DSE: variants seen among roughly 807,000 people sequenced by gnomAD.
DSE encodes the protein dermatan sulfate epimerase, also known as dermatan-sulfate epimerase.
Under a neutral mutation model 84.4 loss-of-function variants are expected in DSE, and 36 were observed. That is an observed-to-expected ratio of 0.43 (90% CI 0.33 to 0.56). The LOEUF is 0.56. Ranked by LOEUF, DSE falls within the 20% of genes least tolerant of loss-of-function variation. The probability of loss-of-function intolerance (pLI) is 0.06; values close to 1 mark genes in which losing one functional copy is unlikely to be tolerated. For synonymous variants in DSE, 410 were observed against 430.1 expected, an observed-to-expected ratio of 0.95 and a Z score of 0.58; for missense variants, 862 against 1,169.6, an observed-to-expected ratio of 0.74 and a Z score of 3.84.
chr6:116,390,481 T>G (rs1335826718), intron 1 of DSE, among the ~76,000 whole-genome samples: 1 of 152,210 alleles, frequency 6.6e-6, no homozygotes, highest in African/African-American at 2.4e-5. Context: ...TGGATCACAA[T>G]GCACTGCAAA....
chr6:116,399,263 A>G lies in DSE; in HGVS notation c.13A>G (p.Thr5Ala), dbSNP rs1294023137. MRTH[T>A]RGAPSVFFIY... ...ATCTGATGCCACGATGAGGACTCAC[A>G]CACGGGGGGCTCCCAGTGTGTTTTT... Residue 5 changes from threonine (T) to alanine (A), a missense_variant, in exon 2 of 6, where the codon ACA becomes GCA. This residue lies in a region of DSE where 52 missense variants were observed against 49.6 expected (regional missense o/e 1.05). Coordinates refer to ENST00000644252, the MANE Select transcript of DSE (RefSeq NM_013352.4). The G allele has an allele frequency of 1.2e-6, 2 of 1,613,832 alleles. No homozygotes were observed. The highest frequency in any genetic ancestry group is 1.7e-6 in the Non-Finnish European group (2 of 1,180,036).
chr6:116,411,457 A>G (rs1405272761), intron 2 of DSE, among the ~76,000 whole-genome samples: 1 of 152,242 alleles, frequency 6.6e-6, no homozygotes, highest in East Asian at 1.9e-4. Context: ...GGAGGGCATC[A>G]GCTTGAGTGA....
chr6:116,347,768 G>GGCATTTT (rs1466370597), intron 2 of DSE, among the ~76,000 whole-genome samples: 2 of 149,356 alleles, frequency 1.3e-5, no homozygotes, highest in East Asian at 2.0e-4. Flanking sequence ...CAAAAGCAAT[G>GGCATTTT]GCAACAAAAG....
At chr6:116,338,167 GTCTCTT>G (rs897127538) in intron 2 of DSE, among the ~76,000 whole-genome samples, 9 of 96,556 alleles carry the variant, frequency 9.3e-5, no homozygotes, top group East Asian at 1.6e-3. Flanking sequence ...CTTCCTTTCT[GTCTCTT>G]TCTCTTTCTT....
intron 1 of DSE, chr6:116,254,975 T>C (rs1772087170): frequency 1.3e-5 from 2 of 152,270 alleles, no homozygotes; most frequent in Admixed American, 1.3e-4. Context: ...CAGGCATCTA[T>C]GCTACTGTCT....
chr6:116,277,471 CTCTT>C (rs1347284749), intron 2 of DSE: 1 of 152,460 alleles, frequency 6.6e-6, no homozygotes, highest in African/African-American at 2.4e-5. Flanking sequence ...AGATGTGTCT[CTCTT>C]TAACTATTCT....
intron 1 of DSE, among the ~76,000 whole-genome samples, chr6:116,371,465 A>C (rs1311459800): frequency 6.6e-6 from 1 of 152,188 alleles, no homozygotes; most frequent in Admixed American, 6.5e-5. Flanking sequence ...TGGCCGGCCC[A>C]GCCGCGATTT....
chr6:116,281,775 T>C (rs1773557402), intron 2 of DSE, among the ~76,000 whole-genome samples: 1 of 152,188 alleles, frequency 6.6e-6, no homozygotes, highest in Non-Finnish European at 1.5e-5. Context: ...CAGAAAACAG[T>C]TTCTCTTGCT....
At chr6:116,423,729 A>G (rs1783245418) in intron 2 of DSE, among the ~76,000 whole-genome samples, 1 of 152,244 alleles carries the variant, frequency 6.6e-6, no homozygotes, top group Non-Finnish European at 1.5e-5. Context: ...TTATGACTGT[A>G]AAATATAGTC....
At chr6:116,433,960 A>T (rs894108666) in intron 5 of DSE, among the ~76,000 whole-genome samples, 1 of 152,196 alleles carries the variant, frequency 6.6e-6, no homozygotes, top group Non-Finnish European at 1.5e-5. Context: ...AGCATATAAA[A>T]CAAAACACAA....
At position 116,426,606 on chromosome 6, in the gene DSE, C is replaced by G; in HGVS notation, c.449C>G (p.Pro150Arg). The G allele has an allele frequency of 6.2e-7, 1 of 1,613,846 alleles. No homozygotes were observed. The highest frequency in any genetic ancestry group is 8.5e-7 in the Non-Finnish European group (1 of 1,179,840). Residue 150 changes from proline (P) to arginine (R), a missense_variant, in exon 3 of 6, where the codon CCG (proline) becomes CGG (arginine). Physicochemically the swap from Pro to Arg is moderately radical, Grantham distance 103. Transcript: ENST00000644252. ...AAAGATGCTCCTTGGGATGAGGTCCCGCTTGCTCACTCCCTGGTTGGTTTT... is the reference window on the plus strand; with the variant it reads ...AAAGATGCTCCTTGGGATGAGGTCCGGCTTGCTCACTCCCTGGTTGGTTTT... ...LVKDAPWDEV[P>R]LAHSLVGFAT...
At chr6:116,314,872 C>T (rs1013862782) in intron 2 of DSE, among the ~76,000 whole-genome samples, 2 of 152,160 alleles carry the variant, frequency 1.3e-5, no homozygotes, top group African/African-American at 2.4e-5. Flanking sequence ...AACTTATCCA[C>T]GCTCTCAGGG....
intron 2 of DSE, among the ~76,000 whole-genome samples, chr6:116,405,436 T>C (rs1206487665): frequency 3.9e-5 from 6 of 152,168 alleles, no homozygotes; most frequent in Non-Finnish European, 8.8e-5. Flanking sequence ...TGGAGACAAA[T>C]GCTGGGCTGT....
At chr6:116,392,685 G>T (rs551500704) in intron 1 of DSE, among the ~76,000 whole-genome samples, 7 of 152,162 alleles carry the variant, frequency 4.6e-5, no homozygotes, top group East Asian at 1.9e-4. Flanking sequence ...TTATGGTAGC[G>T]ATCTTAACTG....
intron 1 of DSE, among the ~76,000 whole-genome samples, chr6:116,381,324 G>A (rs1367833638): frequency 6.6e-6 from 1 of 152,146 alleles, no homozygotes; most frequent in Admixed American, 6.5e-5. Context: ...GGGAGTTTAT[G>A]TAGAGAGGAA....
intron 2 of DSE, chr6:116,276,592 T>G (rs1333902721): frequency 6.6e-6 from 1 of 152,072 alleles, no homozygotes; most frequent in Non-Finnish European, 1.5e-5. Context: ...TTTAATCCAT[T>G]AAGAACTTTA....
chr6:116,300,745 C>A (rs987059239), intron 2 of DSE, among the ~76,000 whole-genome samples: 1 of 152,190 alleles, frequency 6.6e-6, no homozygotes, highest in African/African-American at 2.4e-5. Context: ...AACAAGTTCT[C>A]TTCACTGCTT....
At chr6:116,318,532 A>G (rs1254742743) in intron 2 of DSE, among the ~76,000 whole-genome samples, 1 of 149,920 alleles carries the variant, frequency 6.7e-6, no homozygotes, top group Non-Finnish European at 1.5e-5. Context: ...AGAGAAGAAG[A>G]CTGAAAAAGC....
intron 2 of DSE, among the ~76,000 whole-genome samples, chr6:116,336,262 T>C (rs1469280742): frequency 6.6e-6 from 1 of 152,238 alleles, no homozygotes; most frequent in Non-Finnish European, 1.5e-5. Flanking sequence ...TAAATAGTTA[T>C]CTAGCATTTA....
Sources: gnomAD v4.1 joint callset for allele counts (sites outside exome capture counted in the v4.1 genomes callset) on GRCh38, gnomAD v4.1.1 for gene constraint, gnomAD v4.1.1 regional missense constraint, MANE v1.5 for transcripts, NCBI Gene and HGNC (gene_info 2026-07-23, HGNC 2026-07-21) for gene names.